MUC4: variants seen among roughly 807,000 people sequenced by gnomAD.
MUC4 encodes mucin-4.
A neutral mutation model predicts 257.9 loss-of-function variants in MUC4; 202 were observed. The ratio of observed to expected loss-of-function variants is 0.78; its 90% CI spans 0.70 to 0.88. MUC4 has a LOEUF of 0.88. Ranked by LOEUF, MUC4 falls within the 40% of genes least tolerant of loss-of-function variation. The probability of loss-of-function intolerance (pLI) is 0.00; values close to 1 mark genes in which losing one functional copy is unlikely to be tolerated. For synonymous variants in MUC4, 2,351 were observed against 2,757.1 expected (o/e 0.85, Z 4.62); for missense variants, 5,976 against 6,513.7 (o/e 0.92, Z 2.84).
chr3:195,770,951 G>A (rs770638941), intron 5 of MUC4: 5 of 444,274 alleles, frequency 1.1e-5, no homozygotes, highest in Admixed American at 2.4e-5. Flanking sequence ...GTCTTCTCGT[G>A]GCCGGGTTGG....
chr3:195,748,988 G>A lies in MUC4; in HGVS notation c.15948C>T (p.Ser5316=), dbSNP rs371190774. The A allele has an allele frequency of 3.1e-5, 50 of 1,609,606 alleles. No homozygotes were observed. Among genetic ancestry groups the A allele is most frequent in the African/African-American group, 9.4e-5 (7 of 74,796 alleles). The change falls in exon 24 of 25, where the codon AGC becomes AGT. Residue 5316 remains serine, a synonymous_variant. Coordinates refer to ENST00000463781, the MANE Select transcript of MUC4 (RefSeq NM_018406.7). ...TGCACGGGGACACGCAGGTGAAGCC[G>A]CTCTGGGGGCTGTAGACCAGGTCGT... ...KGYDLVYSPQ[S]GFTCVSPCSR...
chr3:195,762,346 C>G (rs368659406), intron 13 of MUC4, 92 bp from the exon 14 acceptor site: 3 of 1,367,276 alleles, frequency 2.2e-6, no homozygotes, highest in East Asian at 2.5e-5. Context: ...CACCCCCACC[C>G]CGCCCCTGGG....
Position 195,791,425 on chromosome 3 carries a change from G to T in MUC4, c.155C>A (p.Ala52Glu). The change falls in exon 2 of 25, where the codon GCG becomes GAG. Residue 52 changes from alanine to glutamate, a missense_variant. Physicochemically the swap from Ala to Glu is moderately radical, Grantham distance 107. This residue lies in a region of MUC4 where 1,583 missense variants were observed against 1,257.4 expected (regional missense o/e 1.26). Coordinates refer to ENST00000463781, the MANE Select transcript of MUC4 (RefSeq NM_018406.7). ...TGCAGTTGATTGTCCCTCTAGTGTC[G>T]CTGTTGTTGAGCCTGTTGAGGTGAC... is the stretch of plus-strand genomic sequence containing the variant. Reference protein sequence around the residue: ...APVTSTGSTTATLEGQSTAAS... With the variant: ...APVTSTGSTTETLEGQSTAAS... 6.2e-7 allele frequency: 1 copy of T among 1,613,928 alleles called. No homozygotes were observed. Among genetic ancestry groups the T allele is most frequent in the South Asian group, 1.1e-5 (1 of 91,074 alleles).
rs145312279 is a variant in MUC4 at position 195,778,368 on chromosome 3, G to A, written c.12878C>T (p.Thr4293Ile). ...PPTTSQTIIS[T>I]IPSTAMHTRS... ...GGTGTGCATGGCAGTGCTGGGAATG[G>A]TGGAAATGATGGTCTGGGAGGTTGT... The change falls in exon 3 of 25, where the codon ACC becomes ATC. Residue 4293 changes from threonine to isoleucine, a missense_variant. Physicochemically the swap from Thr to Ile is moderately conservative, Grantham distance 89. Around this residue, in one of 44 missense-constraint regions of MUC4, gnomAD observed 233 missense variants for 171.2 expected, o/e 1.36. Coordinates refer to ENST00000463781, the MANE Select transcript of MUC4 (RefSeq NM_018406.7). 1 of 1,613,214 alleles carries A rather than the reference G, an allele frequency of 6.2e-7. No individual in the cohort carries two copies. The highest frequency in any genetic ancestry group is 1.7e-5 in the Admixed American group (1 of 59,984).
rs1010141499 is a variant in MUC4 at position 195,810,312 on chromosome 3, G to C, written c.82+1424C>G. The C allele has an allele frequency of 1.3e-5, 2 of 152,186 alleles. No homozygotes were observed. The highest frequency in any genetic ancestry group is 4.8e-5 in the African/African-American group (2 of 41,410). 9.4% of individuals were successfully genotyped at this position (152,186 alleles called of 1,614,324 possible). On this transcript the variant is annotated intron_variant, in intron 1 of 24. Coordinates refer to ENST00000463781, the MANE Select transcript of MUC4 (RefSeq NM_018406.7). The surrounding 1 kb of genome is among the most constrained non-coding windows in gnomAD (Gnocchi z 4.2). ...ATGCGCCCAAGAAATATTTTCCCTC[G>C]GCGACTGTTCTTAGCCTGCTGAGAG...
Position 195,789,592 on chromosome 3 carries a change from G to A in MUC4, c.1988C>T (p.Thr663Ile), listed in dbSNP as rs1213145554. 12 of 1,613,962 alleles carry A rather than the reference G, an allele frequency of 7.4e-6. No homozygotes were observed. Among genetic ancestry groups the A allele is most frequent in the Non-Finnish European group, 1.0e-5 (12 of 1,179,878 alleles). The change falls in exon 2 of 25, where the codon ACA (threonine) becomes ATA (isoleucine). Residue 663 changes from threonine (T) to isoleucine (I), a missense_variant. Thr to Ile is a moderately conservative substitution (Grantham distance 89). This residue lies in a region of MUC4 where 1,583 missense variants were observed against 1,257.4 expected (regional missense o/e 1.26). Transcript: ENST00000463781. Reference sequence around the variant, plus strand: ...GAAGGAAGAACCTGGGGTGGTGACTGTCTTGGTGTCAGTCATGGGGGAGAC... The same window carrying A: ...GAAGGAAGAACCTGGGGTGGTGACTATCTTGGTGTCAGTCATGGGGGAGAC... Reference protein sequence around the residue: ...RSVSPMTDTKTVTTPGSSFTA... With the variant: ...RSVSPMTDTKIVTTPGSSFTA...
At position 195,762,943 on chromosome 3, in the gene MUC4, G is replaced by C; in HGVS notation, c.14256C>G (p.Val4752=). 6.4e-7 allele frequency: 1 copy of C among 1,556,450 alleles called. No homozygotes were observed. The highest frequency in any genetic ancestry group is 1.2e-5 in the South Asian group (1 of 84,196). Residue 4752 remains valine (V), a splice_region_variant and synonymous_variant, in exon 13 of 25, where the codon GTC becomes GTG. Coordinates refer to ENST00000463781, the MANE Select transcript of MUC4 (RefSeq NM_018406.7). ...CGTCGTGAGGCTCAAGGAGCCATTG[G>C]ACCTGGAAGGAGATGGGAGGGGGCC... ...YRSSSLGPVT[V]QWLLEPHDAI...
intron 14 of MUC4, 65 bp downstream of exon 14, chr3:195,762,022 G>A (rs1016821801): frequency 1.3e-6 from 2 of 1,506,278 alleles, no homozygotes; most frequent in Admixed American, 2.0e-5. Flanking sequence ...CCGGGCCGCC[G>A]GCGTGGGGGT....
intron 17 of MUC4, among the ~76,000 whole-genome samples, chr3:195,758,905 C>G (rs1718219250): frequency 6.6e-6 from 1 of 152,020 alleles, no homozygotes; most frequent in Admixed American, 6.6e-5. Flanking sequence ...GTCACTCTAG[C>G]TATCTGGCCA....
At chr3:195,759,346 T>C in intron 16 of MUC4, 85 bp from the exon 17 acceptor site, 3 of 1,529,144 alleles carry the variant, frequency 2.0e-6, no homozygotes, top group Admixed American at 1.8e-5. Context: ...CTCTAATATG[T>C]GTGAGGCATT....
intron 8 of MUC4, 94 bp from the exon 9 acceptor site, chr3:195,765,543 C>T: frequency 8.1e-7 from 1 of 1,240,814 alleles, no homozygotes; most frequent in Non-Finnish European, 1.1e-6. Flanking sequence ...ACAAATGCAC[C>T]CCCTCCTGCC....
intron 8 of MUC4, 123 bp downstream of exon 8, chr3:195,766,540 G>T: frequency 1.2e-6 from 1 of 837,114 alleles, no homozygotes; most frequent in South Asian, 1.6e-5. Flanking sequence ...GAACTGTGTG[G>T]GGGAGGCCCT....
In MUC4 at chr3:195,778,396, G is replaced by A. The variant is rs1221649227; in HGVS notation, c.12850C>T (p.Pro4284Ser). 6.2e-7 allele frequency: 1 copy of A among 1,613,288 alleles called. No homozygotes were observed. The highest frequency in any genetic ancestry group is 1.1e-5 in the South Asian group (1 of 91,064). ...GAAATGATGGTCTGGGAGGTTGTGG[G>A]GGGTGGTGATGTGGCTGTGCGTCTC... Reference protein sequence around the residue: ...GGRRTATSPPPTTSQTIISTI... With the variant: ...GGRRTATSPPSTTSQTIISTI... Residue 4284 changes from proline (P) to serine (S), a missense_variant, in exon 3 of 25, where the codon CCC becomes TCC. Around this residue, in one of 44 missense-constraint regions of MUC4, gnomAD observed 233 missense variants for 171.2 expected, o/e 1.36. Transcript: ENST00000463781.
At chr3:195,751,567 CAT>C (rs1036621264) in intron 21 of MUC4, 2 of 520,764 alleles carry the variant, frequency 3.8e-6, no homozygotes, top group Non-Finnish European at 6.9e-6. Flanking sequence ...GCCTCTGACA[CAT>C]GACTCATGAC....
chr3:195,794,630 G>A (rs1734345476), intron 1 of MUC4, among the ~76,000 whole-genome samples: 1 of 152,032 alleles, frequency 6.6e-6, no homozygotes, highest in Non-Finnish European at 1.5e-5. Flanking sequence ...TCAAAGTACT[G>A]GGATTAAAGG....
Position 195,761,355 on chromosome 3 carries a change from T to TG in MUC4, c.14614+128dup, listed in dbSNP as rs977639375. On this transcript the variant is annotated intron_variant, in intron 15 of 24. Transcript: ENST00000463781. Reference sequence around the variant, plus strand: ...GGGCTGGTGGTGGTGGGGACAGCCCTGGGGGGGCACAGATTCCTCAGACCT... The same window carrying TG: ...GGGCTGGTGGTGGTGGGGACAGCCCTGGGGGGGGCACAGATTCCTCAGACCT... 152 of 864,730 alleles carry TG rather than the reference T, an allele frequency of 1.8e-4. 1 individual carries two copies. In the Middle Eastern group the frequency reaches 2.8e-3, roughly 16 times the overall value. The allele number at this position is 864,730 out of a possible 1,614,324, so 53.6% of individuals were successfully genotyped here.
At position 195,791,165 on chromosome 3, in the gene MUC4, T is replaced by A. The variant is rs143956695; in HGVS notation, c.415A>T (p.Thr139Ser). 592 of 1,613,988 alleles carry A rather than the reference T, an allele frequency of 3.7e-4. No homozygotes were observed. The highest frequency in any genetic ancestry group is 1.0e-3 in the Admixed American group (63 of 60,008). Residue 139 changes from threonine (T) to serine (S), a missense_variant, in exon 2 of 25, where the codon ACA becomes TCA. Physicochemically the swap from Thr to Ser is moderately conservative, Grantham distance 58 (BLOSUM62 1). Coordinates refer to ENST00000463781, the MANE Select transcript of MUC4 (RefSeq NM_018406.7). ...GTGGAGTCTGTGGAGGTTGTCATTG[T>A]TATAGTCTTTGATGTCATCATGAGT... ...NTLMMTSKTI[T>S]MTTSTDSTLG...
chr3:195,792,837 A>G (rs1734039462), intron 1 of MUC4, among the ~76,000 whole-genome samples: 1 of 152,368 alleles, frequency 6.6e-6, no homozygotes, highest in African/African-American at 2.4e-5. Flanking sequence ...TTGCAGGTAC[A>G]TGGATGAAGC....
At chr3:195,762,999 C>T in intron 12 of MUC4, 54 bp from the exon 13 acceptor site, 1 of 1,397,558 alleles carries the variant, frequency 7.2e-7, no homozygotes, top group Non-Finnish European at 9.8e-7. Context: ...AGCCGACGCC[C>T]AGGAAAGCAG....
Sources: allele counts gnomAD v4.1 joint callset (sites outside exome capture counted in the v4.1 genomes callset), GRCh38; gene constraint gnomAD v4.1.1; regional missense constraint gnomAD v4.1.1; non-coding constraint Gnocchi (gnomAD v3.1); transcripts MANE v1.5; gene names NCBI Gene and HGNC (gene_info 2026-07-23, HGNC 2026-07-21).